HOXA3: variants seen among roughly 807,000 people sequenced by gnomAD.
The protein encoded by HOXA3 is homeobox A3.
HOXA3 carries 8 observed loss-of-function variants against 30.3 expected under a neutral mutation model. The ratio of observed to expected loss-of-function variants is 0.26; its 90% CI spans 0.15 to 0.48. HOXA3 has a LOEUF of 0.48. Ranked by LOEUF, HOXA3 falls within the 20% of genes least tolerant of loss-of-function variation. HOXA3 has a pLI of 0.99. For missense variants in HOXA3, 653 were observed against 614.4 expected (o/e 1.06, Z -0.66); for synonymous variants, 323 against 273.1 (o/e 1.18, Z -1.80).
rs2128043018 is a variant in HOXA3, at chr7:27,113,975, G to C, written c.-120-3215C>G. 1 of 151,650 alleles carries C rather than the reference G, an allele frequency of 6.6e-6. No individual in the cohort carries two copies. The highest frequency in any genetic ancestry group is 2.4e-5 in the African/African-American group (1 of 41,410). 9.4% of individuals were successfully genotyped at this position (151,650 alleles called of 1,614,324 possible). Reference sequence around the variant, plus strand: ...TAGTGCGGCGCCGGGCTCTGCCTGGGCTAGTGGCACCGACTTGGGTATGTT... The same window carrying C: ...TAGTGCGGCGCCGGGCTCTGCCTGGCCTAGTGGCACCGACTTGGGTATGTT... On this transcript the variant is annotated intron_variant, in intron 4 of 5. Coordinates refer to ENST00000612286, the MANE Select transcript of HOXA3 (RefSeq NM_153631.3). This position sits in a 1 kb window ranked among gnomAD's most constrained non-coding sequence, Gnocchi z 4.8.
chr7:27,130,216 G>A (rs763699184), intron 2 of HOXA3: 2 of 1,522,908 alleles, frequency 1.3e-6, no homozygotes, highest in South Asian at 1.2e-5. Flanking sequence ...CGGGCACGCG[G>A]GGGCGCTGCC....
intron 1 of HOXA3, chr7:27,143,241 T>C (rs1376090312): frequency 6.2e-7 from 1 of 1,609,504 alleles, no homozygotes; most frequent in South Asian, 1.1e-5. Flanking sequence ...CTGGAGTTGC[T>C]TAGGGAGTTT....
intron 2 of HOXA3, chr7:27,130,482 G>C: frequency 7.9e-7 from 1 of 1,272,906 alleles, no homozygotes; most frequent in Non-Finnish European, 9.9e-7. Context: ...CGGCAGCAGG[G>C]TAGGCGGGCT....
At chr7:27,146,876 C>T (rs17472028) in intron 1 of HOXA3, among the ~76,000 whole-genome samples, 66 of 152,320 alleles carry the variant, frequency 4.3e-4, no homozygotes, top group African/African-American at 1.5e-3. Flanking sequence ...CCTCTCTGTA[C>T]GGGTTTCTGA....
Position 27,134,058 on chromosome 7 carries a change from T to A in HOXA3, c.-390+6025A>T, listed in dbSNP as rs79134416. The A allele has an allele frequency of 2.2e-4, 33 of 152,364 alleles. No homozygotes were observed. The East Asian group carries it at 6.0e-3, about 28-fold the overall frequency. The allele number at this position is 152,364 out of a possible 1,614,324, so 9.4% of individuals were successfully genotyped here. ...TGTAAACGTTATGGAATGTATTGAC[T>A]GTATTTGTCCTTTGTTCTTTAGAGC... On this transcript the variant is annotated intron_variant, in intron 2 of 5. Transcript: ENST00000612286.
intron 1 of HOXA3, among the ~76,000 whole-genome samples, chr7:27,145,025 T>A (rs1417036590): frequency 6.6e-6 from 1 of 152,142 alleles, no homozygotes; most frequent in Non-Finnish European, 1.5e-5. Flanking sequence ...TGAGGCTGCT[T>A]CTCTTCCACT....
At chr7:27,137,988 T>A (rs1785765244) in intron 2 of HOXA3, among the ~76,000 whole-genome samples, 1 of 151,964 alleles carries the variant, frequency 6.6e-6, no homozygotes, top group African/African-American at 2.4e-5. Context: ...AAGAAATCAC[T>A]CAAGCAAGAT....
intron 2 of HOXA3, among the ~76,000 whole-genome samples, chr7:27,135,836 C>T (rs766589031): frequency 6.6e-6 from 1 of 152,202 alleles, no homozygotes; most frequent in Non-Finnish European, 1.5e-5. Context: ...GGTTCTCCAA[C>T]ACCTAAGGTG....
chr7:27,125,626 G>A (rs1381559889), intron 3 of HOXA3, among the ~76,000 whole-genome samples: 1 of 152,252 alleles, frequency 6.6e-6, no homozygotes, highest in African/African-American at 2.4e-5. Flanking sequence ...CACAGCAGCA[G>A]TTGAGAAAGG....
intron 2 of HOXA3, 133 bp downstream of exon 2, chr7:27,139,950 G>A (rs1782489293): frequency 6.6e-6 from 1 of 150,744 alleles, no homozygotes; most frequent in Non-Finnish European, 1.5e-5. Context: ...TTGGGCAGAG[G>A]GAAAGTTTGC....
chr7:27,108,265 G>A lies in HOXA3; in HGVS notation c.982C>T (p.Arg328Cys), dbSNP rs1336528766. 1.3e-6 allele frequency: 2 copies of A among 1,519,838 alleles called. No individual in the cohort carries two copies. The highest frequency in any genetic ancestry group is 1.8e-6 in the Non-Finnish European group (2 of 1,134,056). 94.1% of individuals were successfully genotyped at this position (1,519,838 alleles called of 1,614,324 possible). A position where few individuals can be genotyped will look rare whatever the true frequency, so the allele number is the denominator to read the frequency against. The change falls in exon 6 of 6, where the codon CGC becomes TGC. Residue 328 changes from arginine to cysteine, a missense_variant. Physicochemically the swap from Arg to Cys is radical, Grantham distance 180 (BLOSUM62 -3). Coordinates refer to ENST00000612286, the MANE Select transcript of HOXA3 (RefSeq NM_153631.3). The surrounding 1 kb of genome is among the most constrained non-coding windows in gnomAD (Gnocchi z 5.0). ...GCGCCCGCCCCTGCCGCCGTGTAGC[G>A]CTTCTGTGGGGGTGGCGGGGGTGCG... is the stretch of plus-strand genomic sequence containing the variant. ...SCAPPPPPQK[R>C]YTAAGAGAGG...
chr7:27,130,159 G>T (rs932599749), intron 2 of HOXA3: 2 of 1,602,228 alleles, frequency 1.2e-6, no homozygotes, highest in Non-Finnish European at 1.7e-6. Flanking sequence ...GTACACCACG[G>T]GCTCCTTGCC....
At chr7:27,142,451 G>T (rs550573489) in intron 1 of HOXA3, among the ~76,000 whole-genome samples, 1 of 152,234 alleles carries the variant, frequency 6.6e-6, no homozygotes, top group Admixed American at 6.5e-5. Flanking sequence ...GCGCCCAAGT[G>T]GCCTTCGGGT....
At chr7:27,117,055 T>C (rs970894731) in intron 4 of HOXA3, among the ~76,000 whole-genome samples, 1 of 152,162 alleles carries the variant, frequency 6.6e-6, no homozygotes, top group African/African-American at 2.4e-5. Flanking sequence ...AGGAGCATAA[T>C]AGAGTTTCCT....
chr7:27,127,994 A>G (rs1410614752), intron 2 of HOXA3, among the ~76,000 whole-genome samples: 1 of 152,224 alleles, frequency 6.6e-6, no homozygotes. Flanking sequence ...GACCTTAAGA[A>G]CAGCCAGGAA....
At chr7:27,130,855 C>A (rs1430792676) in intron 2 of HOXA3, 2 of 1,023,276 alleles carry the variant, frequency 2.0e-6, no homozygotes, top group South Asian at 1.4e-5. Flanking sequence ...TTCCCCTCCC[C>A]CCGCTGTCAA....
At chr7:27,146,133 C>T (rs1583411467) in intron 1 of HOXA3, among the ~76,000 whole-genome samples, 1 of 152,178 alleles carries the variant, frequency 6.6e-6, no homozygotes, top group Admixed American at 6.5e-5. Context: ...TGGACATTAT[C>T]GTTTTTGAAA....
Position 27,110,359 on chromosome 7 carries a change from C to A in HOXA3, c.282G>T (p.Pro94=), listed in dbSNP as rs1412170236. The change falls in exon 5 of 6, where the codon CCG becomes CCT. Residue 94 remains proline, a synonymous_variant. Transcript: ENST00000612286. ...SLGEPPLHPP[P]PQAAPPAPQP... ...GTGGGGCAGGGGGCGCGGCCTGGGG[C>A]GGCGGCGGGTGCAGGGGCGGCTCTC... 3 of 1,499,026 alleles carry A rather than the reference C, an allele frequency of 2.0e-6. No individual in the cohort carries two copies. The highest frequency in any genetic ancestry group is 2.8e-5 in the African/African-American group (2 of 71,698). The allele number at this position is 1,499,026 out of a possible 1,614,324, so 92.9% of individuals were successfully genotyped here.
Position 27,108,549 on chromosome 7 carries a change from C to T in HOXA3, c.698G>A (p.Arg233His), listed in dbSNP as rs1254744638. The T allele has an allele frequency of 2.5e-6, 4 of 1,614,140 alleles. No homozygotes were observed. Among genetic ancestry groups the T allele is most frequent in the Non-Finnish European group, 3.4e-6 (4 of 1,179,988 alleles). Reference protein sequence around the residue: ...EMANLLNLTERQIKIWFQNRR... With the variant: ...EMANLLNLTEHQIKIWFQNRR... ...ATTCTGGAACCAGATCTTGATCTGG[C>T]GCTCAGTGAGGTTCAGCAGATTGGC... The change falls in exon 6 of 6, where the codon CGC becomes CAC. Residue 233 changes from arginine (R) to histidine (H), a missense_variant. This residue lies in a region of HOXA3 where 320 missense variants were observed against 321.9 expected (regional missense o/e 0.99). Coordinates refer to ENST00000612286, the MANE Select transcript of HOXA3 (RefSeq NM_153631.3). This position sits in a 1 kb window ranked among gnomAD's most constrained non-coding sequence, Gnocchi z 5.0.
Sources: gnomAD v4.1 joint callset for allele counts (sites outside exome capture counted in the v4.1 genomes callset) on GRCh38, gnomAD v4.1.1 for gene constraint, gnomAD v4.1.1 regional missense constraint, Gnocchi (gnomAD v3.1) non-coding constraint, MANE v1.5 for transcripts, NCBI Gene and HGNC (gene_info 2026-07-23, HGNC 2026-07-21) for gene names.